PCDH15: variants seen among roughly 807,000 people sequenced by gnomAD.
The protein encoded by PCDH15 is protocadherin-15.
PCDH15 carries 129 observed loss-of-function variants against 178.5 expected under a neutral mutation model. The observed-to-expected ratio is 0.72, with a 90% CI of 0.63 to 0.84. The LOEUF (loss-of-function observed/expected upper bound fraction) is 0.84. Among genes scored for constraint, PCDH15 ranks in the 40% least tolerant of loss-of-function variants. PCDH15 has a pLI of 0.00. For synonymous variants in PCDH15, 800 were observed against 732.0 expected, an observed-to-expected ratio of 1.09 and a Z score of -1.50; for missense variants, 2,230 against 2,099.9, an observed-to-expected ratio of 1.06 and a Z score of -1.21.
intron 4 of PCDH15, 146 bp downstream of exon 4, chr10:54,378,635 CT>C (rs1351325961): frequency 1.1e-6 from 1 of 882,088 alleles, no homozygotes; most frequent in Non-Finnish European, 1.7e-6. Context: ...TCTCATTCTT[CT>C]TTAAATGAGT....
intron 3 of PCDH15, among the ~76,000 whole-genome samples, chr10:54,418,857 T>C (rs1242680697): frequency 1.3e-5 from 2 of 151,942 alleles, no homozygotes; most frequent in Non-Finnish European, 2.9e-5. Context: ...GACAATAATA[T>C]GCATTGGGAA....
chr10:55,184,865 G>T (rs1405203939), intron 1 of PCDH15, among the ~76,000 whole-genome samples: 1 of 151,728 alleles, frequency 6.6e-6, no homozygotes, highest in Non-Finnish European at 1.5e-5. Context: ...GTCAAATATT[G>T]CCACATTTAT....
At chr10:54,777,722 T>G (rs1366125730) in intron 1 of PCDH15, among the ~76,000 whole-genome samples, 3 of 152,278 alleles carry the variant, frequency 2.0e-5, no homozygotes, top group African/African-American at 7.2e-5. Context: ...TTTAAATAAT[T>G]TCTGTAGCTG....
intron 6 of PCDH15, among the ~76,000 whole-genome samples, chr10:54,337,021 G>A (rs1941303465): frequency 6.6e-6 from 1 of 152,062 alleles, no homozygotes; most frequent in South Asian, 2.1e-4. Context: ...GATCATTTTG[G>A]AGCTTTAAGA....
At chr10:54,277,773 T>C (rs1419038699) in intron 8 of PCDH15, among the ~76,000 whole-genome samples, 2 of 151,560 alleles carry the variant, frequency 1.3e-5, no homozygotes, top group Non-Finnish European at 3.0e-5. Context: ...AAAACACTAG[T>C]CATTTTAAAA....
At chr10:55,228,888 C>G (rs941640936) in intron 1 of PCDH15, among the ~76,000 whole-genome samples, 1 of 151,678 alleles carries the variant, frequency 6.6e-6, no homozygotes, top group Non-Finnish European at 1.5e-5. Context: ...ATCACAATAC[C>G]TTAATAATTT....
At chr10:54,922,604 G>A (rs1262720093) in intron 2 of PCDH15, among the ~76,000 whole-genome samples, 1 of 152,058 alleles carries the variant, frequency 6.6e-6, no homozygotes, top group African/African-American at 2.4e-5. Flanking sequence ...CATAAGATTT[G>A]GAAGGGGCCA....
intron 7 of PCDH15, among the ~76,000 whole-genome samples, chr10:54,329,331 GA>G (rs1938895808): frequency 6.6e-6 from 1 of 151,796 alleles, no homozygotes; most frequent in Non-Finnish European, 1.5e-5. Context: ...ATCCTACTTT[GA>G]AAAATATTTC....
At chr10:54,380,705 CATATATATATATATATATATAT>C (rs58171476) in intron 3 of PCDH15, among the ~76,000 whole-genome samples, 6 of 49,014 alleles carry the variant, frequency 1.2e-4, no homozygotes, top group African/African-American at 3.8e-4. Context: ...ATATATGCTC[CATATATATATATATATATATAT>C]ATATATATAT....
chr10:54,892,533 AC>A (rs2131817330), intron 3 of PCDH15, among the ~76,000 whole-genome samples: 1 of 152,034 alleles, frequency 6.6e-6, no homozygotes, highest in Non-Finnish European at 1.5e-5. Flanking sequence ...TAAACAAAAA[AC>A]ATTGAGATGC....
intron 2 of PCDH15, among the ~76,000 whole-genome samples, chr10:54,944,643 A>G (rs1838148528): frequency 6.6e-6 from 1 of 151,952 alleles, no homozygotes; most frequent in Admixed American, 6.6e-5. Context: ...CAGAAGACAG[A>G]AGAAGCATTT....
At chr10:55,373,315 CA>C (rs1369689720) in intron 2 of PCDH15, among the ~76,000 whole-genome samples, 1 of 152,092 alleles carries the variant, frequency 6.6e-6, no homozygotes, top group Non-Finnish European at 1.5e-5. Flanking sequence ...TTGGGCACAA[CA>C]AGGTGAACTA....
At chr10:54,083,031 T>C (rs1288757200) in intron 16 of PCDH15, among the ~76,000 whole-genome samples, 1 of 151,932 alleles carries the variant, frequency 6.6e-6, no homozygotes, top group Non-Finnish European at 1.5e-5. Context: ...ATCAGGCAAA[T>C]GCAAATCAAA....
intron 2 of PCDH15, among the ~76,000 whole-genome samples, chr10:54,580,388 C>G (rs534729922): frequency 6.6e-6 from 1 of 151,958 alleles, no homozygotes; most frequent in Non-Finnish European, 1.5e-5. Context: ...TTCATGAAAA[C>G]ATACAACCTC....
At chr10:54,333,330 G>A (rs559034154) in intron 6 of PCDH15, among the ~76,000 whole-genome samples, 74 of 152,098 alleles carry the variant, frequency 4.9e-4, no homozygotes, top group African/African-American at 1.7e-3. Context: ...CTGAAATGTT[G>A]CATATTGAAA....
chr10:54,731,629 G>A (rs1474142235), intron 1 of PCDH15, among the ~76,000 whole-genome samples: 2 of 146,380 alleles, frequency 1.4e-5, no homozygotes, highest in African/African-American at 2.5e-5. Flanking sequence ...AGTCATACAA[G>A]AGAATGAAAT....
chr10:54,048,725 G>T (rs373560009), intron 18 of PCDH15, among the ~76,000 whole-genome samples: 1 of 151,952 alleles, frequency 6.6e-6, no homozygotes, highest in African/African-American at 2.4e-5. Flanking sequence ...ATTCTGTTCC[G>T]TTAACCTATG....
intron 2 of PCDH15, among the ~76,000 whole-genome samples, chr10:55,092,781 T>C (rs1365614834): frequency 6.6e-6 from 1 of 151,972 alleles, no homozygotes; most frequent in East Asian, 1.9e-4. Context: ...AGTAAGTTTA[T>C]GTAATATAAA....
intron 2 of PCDH15, among the ~76,000 whole-genome samples, chr10:54,544,253 G>A (rs1055231017): frequency 6.6e-5 from 10 of 152,096 alleles, no homozygotes; most frequent in Non-Finnish European, 1.3e-4. Flanking sequence ...AATGAGCTAG[G>A]ATAACAGTTT....
Sources: allele counts gnomAD v4.1 joint callset (sites outside exome capture counted in the v4.1 genomes callset), GRCh38; gene constraint gnomAD v4.1.1; transcripts MANE v1.5; gene names NCBI Gene and HGNC (gene_info 2026-07-23, HGNC 2026-07-21).